The following CACNB2 variants were observed in gnomAD, a reference collection of about 807,000 sequenced individuals.
CACNB2 encodes the protein calcium voltage-gated channel auxiliary subunit beta 2, also known as voltage-dependent L-type calcium channel subunit beta-2.
Under a neutral mutation model 73.3 loss-of-function variants are expected in CACNB2, and 42 were observed. The ratio of observed to expected loss-of-function variants is 0.57; its 90% CI spans 0.45 to 0.74. The LOEUF (loss-of-function observed/expected upper bound fraction) is 0.74. Ranked by LOEUF, CACNB2 falls within the 30% of genes least tolerant of loss-of-function variation. CACNB2 has a pLI of 0.00. For missense variants in CACNB2, 940 were observed against 853.0 expected (o/e 1.10, Z -1.27); for synonymous variants, 348 against 310.3 (o/e 1.12, Z -1.28).
chr10:18,444,275 T>C (rs2046624996), intron 3 of CACNB2, among the ~76,000 whole-genome samples: 1 of 152,138 alleles, frequency 6.6e-6, no homozygotes, highest in Admixed American at 6.6e-5. Context: ...CAGGAGAGGA[T>C]GCAGAGAGAA....
At chr10:18,370,197 C>T (rs1162200935) in intron 2 of CACNB2, among the ~76,000 whole-genome samples, 2 of 152,232 alleles carry the variant, frequency 1.3e-5, no homozygotes, top group Non-Finnish European at 2.9e-5. Flanking sequence ...CTTGTGGCTT[C>T]TACTAGACTC....
intron 3 of CACNB2, among the ~76,000 whole-genome samples, chr10:18,452,351 C>T (rs1438297193): frequency 6.6e-6 from 1 of 151,958 alleles, no homozygotes; most frequent in Non-Finnish European, 1.5e-5. Flanking sequence ...TTGCTTAAGC[C>T]CAGGAGGCTG....
intron 2 of CACNB2, among the ~76,000 whole-genome samples, chr10:18,199,862 T>C (rs2034796363): frequency 6.6e-6 from 1 of 151,558 alleles, no homozygotes; most frequent in African/African-American, 2.4e-5. Context: ...TGGTGGAGAA[T>C]TGGGAAGAAG....
intron 2 of CACNB2, among the ~76,000 whole-genome samples, chr10:18,288,772 C>T (rs912960148): frequency 4.6e-5 from 7 of 151,880 alleles, no homozygotes; most frequent in East Asian, 1.9e-4. Context: ...CTGCCAGGCG[C>T]GGTGCCTCAC....
At chr10:18,518,775 C>T (rs1011699382) in intron 8 of CACNB2, 135 bp from the exon 9 acceptor site, 25 of 764,980 alleles carry the variant, frequency 3.3e-5, no homozygotes, top group Middle Eastern at 3.6e-4. Context: ...CAGAAAAATG[C>T]GGCAACCTCA....
rs567041819 is a variant in CACNB2 at position 18,500,997 on chromosome 10, A to G, written c.593+49A>G. The G allele has an allele frequency of 2.5e-5, 38 of 1,545,160 alleles. No individual in the cohort carries two copies. In the South Asian group the frequency reaches 2.7e-4, roughly 11 times the overall value. On this transcript the variant is annotated intron_variant, in intron 5 of 13. Coordinates refer to ENST00000324631, the MANE Select transcript of CACNB2 (RefSeq NM_201596.3). Reference sequence around the variant, plus strand: ...TGCATAAAACTTAGATTATACCACTATCTGTGTACTGTTGTCTGCTGTATT... The same window carrying G: ...TGCATAAAACTTAGATTATACCACTGTCTGTGTACTGTTGTCTGCTGTATT...
intron 11 of CACNB2, among the ~76,000 whole-genome samples, 176 bp from the exon 12 acceptor site, chr10:18,535,925 G>A (rs1297041614): frequency 6.6e-6 from 1 of 152,056 alleles, no homozygotes; most frequent in African/African-American, 2.4e-5. Context: ...AGTGCTTAAA[G>A]CTTGCAACTG....
At chr10:18,343,177 T>C (rs2041302647) in intron 2 of CACNB2, among the ~76,000 whole-genome samples, 1 of 152,212 alleles carries the variant, frequency 6.6e-6, no homozygotes, top group South Asian at 2.1e-4. Flanking sequence ...TATCATTGCA[T>C]TGTAAATTTC....
intron 11 of CACNB2, among the ~76,000 whole-genome samples, chr10:18,535,840 T>C (rs571073717): frequency 1.3e-5 from 2 of 152,202 alleles, no homozygotes; most frequent in Admixed American, 6.5e-5. Flanking sequence ...AATGTTTTAA[T>C]AGTTTTCCAT....
At chr10:18,238,949 A>G (rs1300620974) in intron 2 of CACNB2, among the ~76,000 whole-genome samples, 1 of 152,188 alleles carries the variant, frequency 6.6e-6, no homozygotes, top group Non-Finnish European at 1.5e-5. Flanking sequence ...TTTGCTTTTT[A>G]ATTACAGAGG....
chr10:18,409,452 T>A (rs559125322), intron 3 of CACNB2, among the ~76,000 whole-genome samples: 25 of 152,288 alleles, frequency 1.6e-4, no homozygotes, highest in Non-Finnish European at 1.8e-4. Context: ...ATTCATTCAG[T>A]TTTGACCTGT....
chr10:18,231,005 G>T (rs887631390), intron 2 of CACNB2, among the ~76,000 whole-genome samples: 4 of 152,164 alleles, frequency 2.6e-5, no homozygotes, highest in Non-Finnish European at 5.9e-5. Context: ...AGGAAGGTTA[G>T]TAGGCTGAAA....
intron 6 of CACNB2, among the ~76,000 whole-genome samples, chr10:18,511,920 C>A (rs1269330783): frequency 6.6e-6 from 1 of 152,118 alleles, no homozygotes; most frequent in Non-Finnish European, 1.5e-5. Flanking sequence ...TCCTGACTGC[C>A]AAGTTTTTGC....
chr10:18,192,634 T>G (rs1263310321), intron 2 of CACNB2, among the ~76,000 whole-genome samples: 2 of 152,172 alleles, frequency 1.3e-5, no homozygotes, highest in South Asian at 4.1e-4. Context: ...ATTAAGCAAT[T>G]TCTTCCTATC....
At chr10:18,307,455 C>G (rs865872846) in intron 2 of CACNB2, among the ~76,000 whole-genome samples, 3 of 152,224 alleles carry the variant, frequency 2.0e-5, no homozygotes, top group Admixed American at 6.5e-5. Context: ...GAGCAGGACT[C>G]TGTCTCACAT....
chr10:18,364,555 C>T (rs537535633), intron 2 of CACNB2, among the ~76,000 whole-genome samples: 11 of 152,262 alleles, frequency 7.2e-5, no homozygotes, highest in Non-Finnish European at 1.6e-4. Flanking sequence ...CCACCTTGGC[C>T]TCCCAAAGTG....
chr10:18,414,211 A>G (rs1328528287), intron 3 of CACNB2, among the ~76,000 whole-genome samples: 4 of 152,190 alleles, frequency 2.6e-5, no homozygotes, highest in African/African-American at 9.7e-5. Context: ...CCTGTACTCT[A>G]ACTTTGAGAT....
At chr10:18,143,788 G>A (rs999871929) in intron 1 of CACNB2, among the ~76,000 whole-genome samples, 1 of 152,052 alleles carries the variant, frequency 6.6e-6, no homozygotes, top group Non-Finnish European at 1.5e-5. Flanking sequence ...AGAATTATTG[G>A]GCAGTTCTAC....
chr10:18,381,562 C>A (rs1441861808), intron 2 of CACNB2, among the ~76,000 whole-genome samples: 2 of 151,828 alleles, frequency 1.3e-5, no homozygotes, highest in Non-Finnish European at 1.5e-5. Context: ...ATGGCGTGCA[C>A]CTGTAGTCCC....
Sources: gnomAD v4.1 joint callset for allele counts (sites outside exome capture counted in the v4.1 genomes callset) on GRCh38, gnomAD v4.1.1 for gene constraint, MANE v1.5 for transcripts, NCBI Gene and HGNC (gene_info 2026-07-23, HGNC 2026-07-21) for gene names.